Variants in TEK observed in about 807,000 individuals in gnomAD.
The protein encoded by TEK is angiopoietin-1 receptor.
A neutral mutation model predicts 131.8 loss-of-function variants in TEK; 43 were observed. That is an observed-to-expected ratio of 0.33 (90% CI 0.26 to 0.42). TEK has a LOEUF of 0.42. Among genes scored for constraint, TEK ranks in the 10% least tolerant of loss-of-function variants. The probability of loss-of-function intolerance (pLI) is 1.00; values close to 1 mark genes in which losing one functional copy is unlikely to be tolerated. For missense variants in TEK, 1,162 were observed against 1,384.4 expected, an observed-to-expected ratio of 0.84 and a Z score of 2.55; for synonymous variants, 580 against 491.6, an observed-to-expected ratio of 1.18 and a Z score of -2.38.
chr9:27,179,077 A>G (rs7047856), intron 6 of TEK, among the ~76,000 whole-genome samples: 53,463 of 152,018 alleles, frequency 0.35, 9,558 homozygotes, highest in African/African-American at 0.43. Flanking sequence ...TTGGACCTCC[A>G]GTTACATGTG....
chr9:27,144,341 G>T (rs183872670), intron 1 of TEK, among the ~76,000 whole-genome samples: 3 of 152,174 alleles, frequency 2.0e-5, no homozygotes, highest in Non-Finnish European at 4.4e-5. Flanking sequence ...TGCTATGGAT[G>T]ATTCATAAAG....
At chr9:27,184,087 A>G (rs538126667) in intron 8 of TEK, among the ~76,000 whole-genome samples, 26 of 152,266 alleles carry the variant, frequency 1.7e-4, no homozygotes, top group African/African-American at 6.3e-4. Flanking sequence ...TTGGAGCAGC[A>G]GTTTAGGGGA....
intron 2 of TEK, among the ~76,000 whole-genome samples, chr9:27,160,967 A>G (rs1269066650): frequency 6.6e-6 from 1 of 152,220 alleles, no homozygotes; most frequent in Non-Finnish European, 1.5e-5. Context: ...ATGTTTCCAC[A>G]TTCTAAAGGA....
chr9:27,223,401 C>T (rs547688405), intron 21 of TEK, among the ~76,000 whole-genome samples: 24 of 152,202 alleles, frequency 1.6e-4, no homozygotes, highest in Admixed American at 7.9e-4. Context: ...TGCGAAAAAA[C>T]GGAAATCATA....
At chr9:27,164,609 A>G (rs1823662177) in intron 2 of TEK, among the ~76,000 whole-genome samples, 1 of 152,084 alleles carries the variant, frequency 6.6e-6, no homozygotes, top group Non-Finnish European at 1.5e-5. Context: ...GTGAGCAACT[A>G]CGCCTGGCCT....
At chr9:27,183,631 G>T (rs1247046673) in intron 8 of TEK, 21 bp downstream of exon 8, 1 of 1,613,440 alleles carries the variant, frequency 6.2e-7, no homozygotes, top group African/African-American at 1.3e-5. Context: ...TTCTTAATTT[G>T]CCCTTCTTAA....
At chr9:27,170,042 A>G (rs1015424479) in intron 4 of TEK, among the ~76,000 whole-genome samples, 9 of 152,160 alleles carry the variant, frequency 5.9e-5, no homozygotes, top group Non-Finnish European at 1.2e-4. Flanking sequence ...GAAATTTACA[A>G]TCATGGCAAA....
intron 1 of TEK, among the ~76,000 whole-genome samples, chr9:27,145,778 G>A (rs1587514030): frequency 6.6e-6 from 1 of 152,210 alleles, no homozygotes. Flanking sequence ...GTGCTGGGGC[G>A]TTGAAGACAG....
Position 27,130,662 on chromosome 9 carries a change from C to T in TEK, c.52+21020C>T, listed in dbSNP as rs553002383. On this transcript the variant is annotated intron_variant, in intron 1 of 22. Transcript: ENST00000380036. Reference sequence around the variant, plus strand: ...TTTTTTTTTTGCTCACTGCAACCTCCGCTTCCTGGGTTCAAGCGATTCTCC... The same window carrying T: ...TTTTTTTTTTGCTCACTGCAACCTCTGCTTCCTGGGTTCAAGCGATTCTCC... Among the ~76,000 whole-genome samples the T allele has an allele frequency of 2.9e-3, 432 of 146,516 alleles. 2 individuals are homozygous for T. Among genetic ancestry groups the T allele is most frequent in the African/African-American group, 0.01 (403 of 39,534 alleles).
At chr9:27,228,354 G>A (rs1826421189) in intron 22 of TEK, 49 bp downstream of exon 22, 1 of 1,407,816 alleles carries the variant, frequency 7.1e-7, no homozygotes, top group Non-Finnish European at 1.0e-6. Flanking sequence ...TACCTGATGT[G>A]CCCAGGGTGG....
intron 1 of TEK, among the ~76,000 whole-genome samples, chr9:27,153,093 A>G (rs1223307329): frequency 6.6e-6 from 1 of 152,198 alleles, no homozygotes; most frequent in Admixed American, 6.5e-5. Context: ...AACTTGGTAG[A>G]CGTCATGCCA....
chr9:27,175,268 G>C (rs1824121945), intron 6 of TEK, among the ~76,000 whole-genome samples: 1 of 150,732 alleles, frequency 6.6e-6, no homozygotes. Flanking sequence ...ATAGTTTACT[G>C]AGAATGATGA....
intron 21 of TEK, among the ~76,000 whole-genome samples, chr9:27,222,331 G>A (rs1174395184): frequency 6.6e-6 from 1 of 152,144 alleles, no homozygotes; most frequent in Non-Finnish European, 1.5e-5. Flanking sequence ...TAGCAAGACA[G>A]GCCAACATTC....
chr9:27,114,805 C>CT (rs1311537196), intron 1 of TEK, among the ~76,000 whole-genome samples: 4 of 152,072 alleles, frequency 2.6e-5, no homozygotes, highest in African/African-American at 9.7e-5. Context: ...TAACCAGGGC[C>CT]TTACTTAAGA....
At chr9:27,147,391 A>G (rs946899752) in intron 1 of TEK, among the ~76,000 whole-genome samples, 2 of 151,878 alleles carry the variant, frequency 1.3e-5, no homozygotes, top group African/African-American at 2.4e-5. Flanking sequence ...TTCTCTGGTG[A>G]AGTGTCTCAA....
At chr9:27,215,121 C>T (rs887506369) in intron 18 of TEK, among the ~76,000 whole-genome samples, 11 of 152,166 alleles carry the variant, frequency 7.2e-5, no homozygotes, top group African/African-American at 2.7e-4. Context: ...TCTACCCATT[C>T]TATTTGGATG....
At chr9:27,196,486 G>A (rs938900418) in intron 11 of TEK, among the ~76,000 whole-genome samples, 4 of 152,258 alleles carry the variant, frequency 2.6e-5, no homozygotes, top group South Asian at 2.1e-4. Flanking sequence ...GCCCTTTAGC[G>A]CTGTCATTGA....
At chr9:27,150,692 A>AT (rs1215730846) in intron 1 of TEK, among the ~76,000 whole-genome samples, 1 of 152,288 alleles carries the variant, frequency 6.6e-6, no homozygotes, top group East Asian at 1.9e-4. Flanking sequence ...TGATGGAACC[A>AT]TGCTTCCTGC....
chr9:27,163,856 T>G (rs1792586953), intron 2 of TEK, among the ~76,000 whole-genome samples: 1 of 152,308 alleles, frequency 6.6e-6, no homozygotes, highest in South Asian at 2.1e-4. Flanking sequence ...TGACTGAAAT[T>G]GAGCTCACTT....
Sources: gnomAD v4.1 joint callset for allele counts (sites outside exome capture counted in the v4.1 genomes callset) on GRCh38, gnomAD v4.1.1 for gene constraint, MANE v1.5 for transcripts, NCBI Gene and HGNC (gene_info 2026-07-23, HGNC 2026-07-21) for gene names.